The following LRMDA variants were observed in gnomAD, a reference collection of about 807,000 sequenced individuals.
LRMDA encodes the protein leucine rich melanocyte differentiation associated.
Under a neutral mutation model 29.8 loss-of-function variants are expected in LRMDA, and 18 were observed. The observed-to-expected ratio is 0.60, with a 90% confidence interval of 0.42 to 0.90. LRMDA has a LOEUF of 0.90. Ranked by LOEUF, LRMDA falls within the 40% of genes least tolerant of loss-of-function variation. The pLI is 0.00. For missense variants in LRMDA, 273 were observed against 273.9 expected (o/e 1.00, Z 0.02); for synonymous variants, 125 against 109.4 (o/e 1.14, Z -0.89).
At chr10:75,684,405 G>T (rs1048415020) in intron 2 of LRMDA, among the ~76,000 whole-genome samples, 1 of 152,172 alleles carries the variant, frequency 6.6e-6, no homozygotes, top group Admixed American at 6.5e-5. Flanking sequence ...CACCTTTGGG[G>T]CCATTTCAGA....
chr10:75,778,362 G>A (rs950302852), intron 2 of LRMDA, among the ~76,000 whole-genome samples: 3 of 152,164 alleles, frequency 2.0e-5, no homozygotes, highest in Non-Finnish European at 2.9e-5. Flanking sequence ...ACAGACATGA[G>A]CCACCATGCC....
chr10:75,708,888 C>T (rs959815940), intron 2 of LRMDA, among the ~76,000 whole-genome samples: 1 of 152,174 alleles, frequency 6.6e-6, no homozygotes, highest in Admixed American at 6.5e-5. Context: ...CATATGGCCT[C>T]ATTTTGAAGA....
At position 76,117,835 on chromosome 10, in the gene LRMDA, TG is replaced by T. The variant is rs753977303; in HGVS notation, c.516+59054del. ...CAGACATTCTGGTGTAGTGTGGTGG[TG>T]GTGAAGTGGTGATATGTTTTAGTAC... On this transcript the variant is annotated intron_variant, in intron 5 of 6. Transcript: ENST00000611255. 2.0e-5 allele frequency among the ~76,000 whole-genome samples: 3 copies of T among 152,106 alleles called. No homozygotes were observed. The East Asian group carries it at 5.8e-4, about 29-fold the overall frequency.
At chr10:76,126,562 C>G (rs889397316) in intron 5 of LRMDA, among the ~76,000 whole-genome samples, 1 of 152,198 alleles carries the variant, frequency 6.6e-6, no homozygotes, top group African/African-American at 2.4e-5. Flanking sequence ...TTTCCCCTCT[C>G]TCCACTGCCT....
intron 6 of LRMDA, among the ~76,000 whole-genome samples, chr10:76,541,739 G>A (rs1056027947): frequency 1.3e-5 from 2 of 152,010 alleles, no homozygotes; most frequent in East Asian, 1.9e-4. Flanking sequence ...GTCAGAACAC[G>A]GCATGCCAGT....
intron 2 of LRMDA, among the ~76,000 whole-genome samples, chr10:76,032,797 C>T (rs530097934): frequency 4.6e-5 from 7 of 152,176 alleles, no homozygotes; most frequent in Non-Finnish European, 8.8e-5. Context: ...ACCTTGCTCT[C>T]TCCTATCAGC....
At chr10:75,929,555 T>C (rs1436355682) in intron 2 of LRMDA, among the ~76,000 whole-genome samples, 1 of 152,152 alleles carries the variant, frequency 6.6e-6, no homozygotes, top group Non-Finnish European at 1.5e-5. Context: ...AGTAGAGGGA[T>C]CATACTGTAT....
chr10:75,692,223 T>TATATATATATATATATAC (rs1842171492), intron 2 of LRMDA, among the ~76,000 whole-genome samples: 1 of 20,732 alleles, frequency 4.8e-5, no homozygotes, highest in African/African-American at 1.7e-4. Context: ...AAAAAAAATA[T>TATATATATATATATATAC]ATATATATAT....
chr10:75,609,153 G>A (rs1840996598), intron 2 of LRMDA, among the ~76,000 whole-genome samples: 2 of 152,104 alleles, frequency 1.3e-5, no homozygotes, highest in Admixed American at 1.3e-4. Context: ...TAGGTTGGGA[G>A]GTGGGGTTAG....
chr10:76,047,804 G>A (rs1216224980), intron 4 of LRMDA, among the ~76,000 whole-genome samples: 1 of 152,094 alleles, frequency 6.6e-6, no homozygotes, highest in Non-Finnish European at 1.5e-5. Context: ...CAAAATTTAG[G>A]GAGCTCATAG....
At chr10:76,199,047 T>C (rs1347507319) in intron 5 of LRMDA, among the ~76,000 whole-genome samples, 2 of 152,158 alleles carry the variant, frequency 1.3e-5, no homozygotes, top group Non-Finnish European at 2.9e-5. Flanking sequence ...TCTAGGCAGG[T>C]TATCTAGTAA....
chr10:76,503,429 T>G (rs1385306693), intron 6 of LRMDA, among the ~76,000 whole-genome samples: 1 of 151,760 alleles, frequency 6.6e-6, no homozygotes, highest in Non-Finnish European at 1.5e-5. Flanking sequence ...CTGGTAAAAT[T>G]TGGCTGAGAA....
intron 2 of LRMDA, among the ~76,000 whole-genome samples, chr10:76,008,358 G>A (rs972298100): frequency 6.6e-6 from 1 of 152,128 alleles, no homozygotes; most frequent in Non-Finnish European, 1.5e-5. Flanking sequence ...AGGCTGGAGG[G>A]GCTTTACTGG....
chr10:76,026,516 C>T (rs1848065737), intron 2 of LRMDA, among the ~76,000 whole-genome samples: 1 of 152,182 alleles, frequency 6.6e-6, no homozygotes, highest in Non-Finnish European at 1.5e-5. Flanking sequence ...ACAAATAGAG[C>T]TGTAGCTCTA....
intron 2 of LRMDA, among the ~76,000 whole-genome samples, chr10:75,619,332 A>G (rs1841150510): frequency 6.6e-6 from 1 of 152,050 alleles, no homozygotes; most frequent in Non-Finnish European, 1.5e-5. Flanking sequence ...TGTTTAGAGT[A>G]CTGTTCCTTT....
At chr10:76,249,295 C>A (rs190605222) in intron 5 of LRMDA, among the ~76,000 whole-genome samples, 42 of 152,294 alleles carry the variant, frequency 2.8e-4, no homozygotes, top group African/African-American at 1.0e-3. Context: ...CAGTGAGATG[C>A]TTCTGTCATA....
chr10:75,834,754 C>T (rs927896081), intron 2 of LRMDA, among the ~76,000 whole-genome samples: 26 of 152,268 alleles, frequency 1.7e-4, no homozygotes, highest in Admixed American at 1.1e-3. Flanking sequence ...TATTTCCTTC[C>T]GAGCTCTCAG....
chr10:76,519,463 G>A (rs1276072538), intron 6 of LRMDA, among the ~76,000 whole-genome samples: 1 of 152,190 alleles, frequency 6.6e-6, no homozygotes. Context: ...TCAAAGAAAA[G>A]TAAATTTTCC....
intron 5 of LRMDA, among the ~76,000 whole-genome samples, chr10:76,150,124 C>T (rs139139855): frequency 2.6e-5 from 4 of 152,182 alleles, no homozygotes; most frequent in African/African-American, 9.7e-5. Context: ...TGCCAACCAG[C>T]GGCAAACCCT....
Sources: allele counts gnomAD v4.1 joint callset (sites outside exome capture counted in the v4.1 genomes callset), GRCh38; gene constraint gnomAD v4.1.1; transcripts MANE v1.5; gene names NCBI Gene and HGNC (gene_info 2026-07-23, HGNC 2026-07-21).